Variants in RAD51B observed in about 807,000 individuals in gnomAD.
RAD51B encodes RAD51 paralog B.
In RAD51B, 38 loss-of-function variants were observed where a neutral mutation model predicts 42.2. The observed-to-expected ratio is 0.90, with a 90% CI of 0.70 to 1.18. The LOEUF (loss-of-function observed/expected upper bound fraction) is 1.18, where lower values mean the gene tolerates loss of function less well. Ranked by LOEUF, RAD51B falls within the 50% of genes most tolerant of loss-of-function variation. RAD51B has a pLI of 0.00. For synonymous variants in RAD51B, 154 were observed against 145.2 expected (o/e 1.06, Z -0.43); for missense variants, 373 against 400.7 (o/e 0.93, Z 0.59).
intron 5 of RAD51B, among the ~76,000 whole-genome samples, chr14:67,866,129 T>A (rs2042330202): frequency 6.6e-6 from 1 of 152,114 alleles, no homozygotes; most frequent in Non-Finnish European, 1.5e-5. Context: ...AACAAACAAC[T>A]TGGTTTCTGT....
At position 68,155,043 on chromosome 14, in the gene RAD51B, A is replaced by G. The variant is rs2078471156; in HGVS notation, c.757-136841A>G. ...ACATTTGCATAACACAATTTTTTGT[A>G]CCATTGTTGACCATATCAATGGGTA... On this transcript the variant is annotated intron_variant, in intron 7 of 10. Transcript: ENST00000471583. 2.0e-5 allele frequency among the ~76,000 whole-genome samples: 3 copies of G among 152,148 alleles called. No homozygotes were observed. The South Asian group carries it at 6.2e-4, about 32-fold the overall frequency.
rs149068843 is a variant in RAD51B, at chr14:68,651,277, G to A, written c.*11+421G>A. 6.8e-3 allele frequency among the ~76,000 whole-genome samples: 1,031 copies of A among 152,214 alleles called. 14 individuals are homozygous for A. The highest frequency in any genetic ancestry group is 0.023 in the African/African-American group (966 of 41,518). Reference sequence around the variant, plus strand: ...ACCTCCACTCCCCCAGGCTCAGGTGGTCCTCACACCTCAACCTCCCAAGTA... The same window carrying A: ...ACCTCCACTCCCCCAGGCTCAGGTGATCCTCACACCTCAACCTCCCAAGTA... On this transcript the variant is annotated intron_variant, in intron 11 of 11. Coordinates refer to the RAD51B transcript ENST00000488612.
chr14:68,399,259 G>GGT (rs2084016762), intron 8 of RAD51B, among the ~76,000 whole-genome samples: 4 of 136,028 alleles, frequency 2.9e-5, no homozygotes, highest in African/African-American at 8.1e-5. Flanking sequence ...TTTTTTTTGT[G>GGT]TTTTTTTTTT....
intron 10 of RAD51B, among the ~76,000 whole-genome samples, chr14:68,581,444 G>A (rs182728689): frequency 6.6e-6 from 1 of 152,124 alleles, no homozygotes; most frequent in African/African-American, 2.4e-5. Context: ...ATTTTCACTG[G>A]TATTTCCAGC....
At chr14:67,929,320 A>T (rs948081208) in intron 7 of RAD51B, among the ~76,000 whole-genome samples, 28 of 152,204 alleles carry the variant, frequency 1.8e-4, no homozygotes, top group Admixed American at 1.4e-3. Context: ...AATTAAAAAA[A>T]TTTTTTATCT....
At chr14:68,236,381 T>G (rs1035992998) in intron 7 of RAD51B, 14 of 152,186 alleles carry the variant, frequency 9.2e-5, no homozygotes, top group African/African-American at 3.4e-4. Flanking sequence ...GGCAACCTGG[T>G]TGTCCCCTGC....
intron 10 of RAD51B, among the ~76,000 whole-genome samples, chr14:68,635,585 A>G (rs1038861986): frequency 6.6e-6 from 1 of 151,892 alleles, no homozygotes; most frequent in African/African-American, 2.4e-5. Flanking sequence ...AATATATACT[A>G]TATTTTATTA....
chr14:68,526,408 A>G lies in RAD51B; in HGVS notation c.1036+58158A>G, dbSNP rs181132487. On this transcript the variant is annotated intron_variant, in intron 10 of 10. Coordinates refer to the RAD51B transcript ENST00000487270. Reference sequence around the variant, plus strand: ...CACAGCAACAAACCCACCTAATGATATATTTCTCAGAACGTGTCGTTAAGC... The same window carrying G: ...CACAGCAACAAACCCACCTAATGATGTATTTCTCAGAACGTGTCGTTAAGC... 3.0e-4 allele frequency among the ~76,000 whole-genome samples: 45 copies of G among 152,342 alleles called. No homozygotes were observed. In the East Asian group the frequency reaches 7.1e-3, roughly 24 times the overall value.
intron 7 of RAD51B, among the ~76,000 whole-genome samples, chr14:67,909,950 G>T (rs1318860505): frequency 6.6e-6 from 1 of 152,138 alleles, no homozygotes; most frequent in African/African-American, 2.4e-5. Flanking sequence ...GCCACCACAT[G>T]TGGCCAAAAA....
At chr14:68,482,696 G>GA (rs1416949768), downstream of RAD51B, among the ~76,000 whole-genome samples, 4 of 152,182 alleles carry the variant, frequency 2.6e-5, no homozygotes, top group Non-Finnish European at 5.9e-5. Context: ...CAAATGGAGG[G>GA]AAGGCACTCA....
At chr14:68,434,146 T>C (rs2085086330) in intron 9 of RAD51B, among the ~76,000 whole-genome samples, 1 of 152,228 alleles carries the variant, frequency 6.6e-6, no homozygotes, top group Admixed American at 6.5e-5. Context: ...AGTGTCAGTC[T>C]GCCCCTACTT....
At chr14:68,232,383 A>C (rs1224258451) in intron 7 of RAD51B, among the ~76,000 whole-genome samples, 1 of 152,176 alleles carries the variant, frequency 6.6e-6, no homozygotes, top group Non-Finnish European at 1.5e-5. Context: ...AAAAGAAAAG[A>C]AAAGCAAGAT....
At chr14:68,465,835 G>A (rs1410842189) in intron 9 of RAD51B, among the ~76,000 whole-genome samples, 4 of 151,914 alleles carry the variant, frequency 2.6e-5, no homozygotes, top group Non-Finnish European at 4.4e-5. Flanking sequence ...CAGCTACTCA[G>A]GAGGCTGAGG....
At chr14:68,300,645 A>C (rs2139688251) in intron 8 of RAD51B, among the ~76,000 whole-genome samples, 1 of 152,230 alleles carries the variant, frequency 6.6e-6, no homozygotes, top group South Asian at 2.1e-4. Flanking sequence ...CCTTGATCTA[A>C]TTTTCTTTAT....
intron 8 of RAD51B, among the ~76,000 whole-genome samples, chr14:68,345,987 AAC>A (rs1305216177): frequency 6.6e-6 from 1 of 152,240 alleles, no homozygotes; most frequent in Non-Finnish European, 1.5e-5. Flanking sequence ...AGAACAGACT[AAC>A]ACAAATGGGT....
At position 68,043,610 on chromosome 14, in the gene RAD51B, A is replaced by G. The variant is rs115924104; in HGVS notation, c.756+156406A>G. Among the ~76,000 whole-genome samples the G allele has an allele frequency of 8.0e-3, 1,225 of 152,326 alleles. 15 individuals are homozygous for G. The highest frequency in any genetic ancestry group is 0.028 in the African/African-American group (1,148 of 41,562). ...CAAATGTGTCTGTATTACTTTCTCT[A>G]CAAAAGCGAACCAGACTACTTCCCT... On this transcript the variant is annotated intron_variant, in intron 7 of 10. Transcript: ENST00000471583.
chr14:68,415,025 C>G (rs2084519451), intron 9 of RAD51B, among the ~76,000 whole-genome samples: 1 of 87,380 alleles, frequency 1.1e-5, no homozygotes, highest in Non-Finnish European at 2.0e-5. Flanking sequence ...GAGCAAGACT[C>G]TGTCTCAAAA....
At chr14:68,270,893 T>G (rs1172394959) in intron 7 of RAD51B, among the ~76,000 whole-genome samples, 1 of 152,232 alleles carries the variant, frequency 6.6e-6, no homozygotes, top group Non-Finnish European at 1.5e-5. Flanking sequence ...ACTTTTCTGC[T>G]TCCTTGATAT....
intron 10 of RAD51B, among the ~76,000 whole-genome samples, chr14:68,483,586 C>A (rs1345024332): frequency 1.3e-5 from 2 of 152,310 alleles, no homozygotes; most frequent in East Asian, 1.9e-4. Context: ...TGTGAAAAGA[C>A]TTTTGGAAAT....
Sources: allele counts gnomAD v4.1 joint callset (sites outside exome capture counted in the v4.1 genomes callset), GRCh38; gene constraint gnomAD v4.1.1; transcripts MANE v1.5; gene names NCBI Gene and HGNC (gene_info 2026-07-23, HGNC 2026-07-21).